SHFL: variants seen among roughly 807,000 people sequenced by gnomAD.
SHFL encodes shiftless antiviral inhibitor of ribosomal frameshifting protein.
A neutral mutation model predicts 34.7 loss-of-function variants in SHFL; 12 were observed. The observed-to-expected ratio is 0.35, with a 90% CI of 0.22 to 0.56. SHFL has a LOEUF of 0.56. SHFL is among the 20% of genes least tolerant of loss of function. SHFL has a pLI of 0.88. For synonymous variants in SHFL, 148 were observed against 156.0 expected (o/e 0.95, Z 0.38); for missense variants, 278 against 411.1 (o/e 0.68, Z 2.80).
At position 10,091,613 on chromosome 19, in the gene SHFL, A is replaced by G; in HGVS notation, c.626A>G (p.Asp209Gly). ...STHTHSCSAADCYNRREPHVP... is the reference protein window; with the variant it reads ...STHTHSCSAAGCYNRREPHVP... ...CACACTCACTCCTGCTCAGCTGCCG[A>G]CTGCTACAACCGGCGAGGTGAGGCT... The change falls in exon 7 of 8, where the codon GAC (aspartate) becomes GGC (glycine). Residue 209 changes from aspartate (D) to glycine (G), a missense_variant. Physicochemically the swap from Asp to Gly is moderately conservative, Grantham distance 94. Coordinates refer to ENST00000253110, the MANE Select transcript of SHFL (RefSeq NM_018381.4). The surrounding 1 kb of genome is among the most constrained non-coding windows in gnomAD (Gnocchi z 8.2). The G allele has an allele frequency of 6.4e-7, 1 of 1,551,626 alleles. No individual in the cohort carries two copies. The highest frequency in any genetic ancestry group is 8.7e-7 in the Non-Finnish European group (1 of 1,147,112).
At position 10,089,964 on chromosome 19, in the gene SHFL, G is replaced by A. The variant is rs956670027; in HGVS notation, c.301G>A (p.Asp101Asn). The A allele has an allele frequency of 1.5e-5, 24 of 1,611,322 alleles. No homozygotes were observed. Among genetic ancestry groups the A allele is most frequent in the African/African-American group, 6.7e-5 (5 of 74,834 alleles). Reference sequence around the variant, plus strand: ...ACGCATGTTTCAACGTGCCCAGGACGACCTTATCCCTGCTGTGGACCGGCA... The same window carrying A: ...ACGCATGTTTCAACGTGCCCAGGACAACCTTATCCCTGCTGTGGACCGGCA... Reference protein sequence around the residue: ...NLRMFQRAQDDLIPAVDRQFA... With the variant: ...NLRMFQRAQDNLIPAVDRQFA... Residue 101 changes from aspartate (D) to asparagine (N), a missense_variant, in exon 5 of 8, where the codon GAC (aspartate) becomes AAC (asparagine). Coordinates refer to ENST00000253110, the MANE Select transcript of SHFL (RefSeq NM_018381.4).
rs200493899 is a variant in SHFL at position 10,087,094 on chromosome 19, G to C, written c.145+42G>C. 702 of 1,598,664 alleles carry C rather than the reference G, an allele frequency of 4.4e-4. 5 individuals are homozygous for C. In the African/African-American group the frequency reaches 8.7e-3, roughly 20 times the overall value. ...CCCGGGCCTGGTGCGGGGACCGCGC[G>C]TGGGAGCGCCGAGGGGGCGTGGTCT... On this transcript the variant is annotated intron_variant, in intron 2 of 7. Transcript: ENST00000253110.
chr19:10,089,580 G>T (rs1005134009), intron 3 of SHFL, 77 bp from the exon 4 acceptor site: 17 of 1,535,558 alleles, frequency 1.1e-5, no homozygotes, highest in Non-Finnish European at 1.5e-5. Flanking sequence ...CATTGCGGCC[G>T]GGGGCCTCCC....
intron 3 of SHFL, 97 bp downstream of exon 3, chr19:10,087,397 C>G: frequency 2.4e-6 from 3 of 1,246,218 alleles, no homozygotes; most frequent in Non-Finnish European, 3.5e-6. Flanking sequence ...CCCTCTGAAA[C>G]AGGAGGGACC....
At chr19:10,088,360 C>G (rs1235916054) in intron 3 of SHFL, 1 of 149,950 alleles carries the variant, frequency 6.7e-6, no homozygotes, top group Non-Finnish European at 1.5e-5. Flanking sequence ...GTCAGGAGAT[C>G]GAGACCATCC....
intron 3 of SHFL, chr19:10,089,433 G>A (rs2088344022): frequency 1.3e-6 from 2 of 1,582,576 alleles, no homozygotes; most frequent in Non-Finnish European, 1.7e-6. Context: ...CTAAGCCTCA[G>A]TTTCCCCATC....
chr19:10,089,323 C>T (rs1362910671), intron 3 of SHFL: 2 of 1,598,408 alleles, frequency 1.3e-6, no homozygotes, highest in African/African-American at 2.7e-5. Context: ...ACAACGTGGC[C>T]TCAAAGGGGC....
Position 10,092,537 on chromosome 19 carries a change from G to A in SHFL, c.*235G>A. ...AAGAAGGTGTGGCCAGAACAACTTG[G>A]GCTCCTGCTGACCAATGTCCTCTAG... On this transcript the variant is annotated 3_prime_UTR_variant, in exon 8 of 8. Transcript: ENST00000253110. 3.9e-6 allele frequency: 6 copies of A among 1,550,398 alleles called. No individual in the cohort carries two copies. Among genetic ancestry groups the A allele is most frequent in the Non-Finnish European group, 5.2e-6 (6 of 1,144,666 alleles).
At position 10,091,287 on chromosome 19, in the gene SHFL, C is replaced by T; in HGVS notation, c.422C>T (p.Pro141Leu). 1 of 1,613,944 alleles carries T rather than the reference C, an allele frequency of 6.2e-7. No individual in the cohort carries two copies. Among genetic ancestry groups the T allele is most frequent in the Non-Finnish European group, 8.5e-7 (1 of 1,179,852 alleles). Residue 141 changes from proline (P) to leucine (L), a missense_variant, in exon 6 of 8, where the codon CCA becomes CTA. Coordinates refer to ENST00000253110, the MANE Select transcript of SHFL (RefSeq NM_018381.4). The surrounding 1 kb of genome is among the most constrained non-coding windows in gnomAD (Gnocchi z 8.2). ...RCRKCRKRYE[P>L]VPADKMWGLA... Reference sequence around the variant, plus strand: ...CGGAAATGCCGGAAGCGCTACGAGCCAGTGCCAGCTGACAAGATGTGGGGC... The same window carrying T: ...CGGAAATGCCGGAAGCGCTACGAGCTAGTGCCAGCTGACAAGATGTGGGGC...
Position 10,089,701 on chromosome 19 carries a change from T to C in SHFL, c.234+6T>C. 6.3e-7 allele frequency: 1 copy of C among 1,597,186 alleles called. No individual in the cohort carries two copies. The highest frequency in any genetic ancestry group is 8.5e-7 in the Non-Finnish European group (1 of 1,171,526). ...AGCAGGACCGGGACATTCAGGTGAG[T>C]TGGTGGCTAGGGCTTGGGATGGGGG... On this transcript the variant is annotated splice_donor_region_variant and intron_variant, in intron 4 of 7. Coordinates refer to ENST00000253110, the MANE Select transcript of SHFL (RefSeq NM_018381.4).
chr19:10,088,546 G>A (rs948012007), intron 3 of SHFL, among the ~76,000 whole-genome samples: 2 of 152,170 alleles, frequency 1.3e-5, no homozygotes, highest in Non-Finnish European at 2.9e-5. Flanking sequence ...TCCAGCCTGG[G>A]CAACAGAGCG....
intron 4 of SHFL, 48 bp downstream of exon 4, chr19:10,089,743 T>C: frequency 6.3e-7 from 1 of 1,575,084 alleles, no homozygotes; most frequent in Non-Finnish European, 8.6e-7. Context: ...GAGGGGGACA[T>C]CTGCAGGCAC....
chr19:10,089,776 G>A, intron 4 of SHFL, 81 bp downstream of exon 4: 7 of 1,557,382 alleles, frequency 4.5e-6, no homozygotes, highest in South Asian at 1.2e-5. Context: ...ATTAGGGCAG[G>A]AGGGGAGATA....
At chr19:10,090,554 C>A (rs996518249) in intron 5 of SHFL, among the ~76,000 whole-genome samples, 2 of 151,536 alleles carry the variant, frequency 1.3e-5, no homozygotes, top group Admixed American at 1.3e-4. Flanking sequence ...CCCACCTCAA[C>A]CTCCCAAGCA....
intron 3 of SHFL, chr19:10,087,638 T>G (rs1277254378): frequency 6.6e-5 from 14 of 213,414 alleles, no homozygotes; most frequent in East Asian, 1.2e-4. Flanking sequence ...TCTTAAAGGA[T>G]GGGGAGGAGT....
At chr19:10,090,373 G>C (rs2088358940) in intron 5 of SHFL, 1 of 272,258 alleles carries the variant, frequency 3.7e-6, no homozygotes, top group South Asian at 5.9e-5. Flanking sequence ...TAAGTAGGGA[G>C]GATCGCTTGA....
chr19:10,089,343 C>T (rs766436111), intron 3 of SHFL: 2 of 1,598,414 alleles, frequency 1.3e-6, no homozygotes, highest in East Asian at 2.2e-5. Flanking sequence ...CGATATGTCA[C>T]AACATCAACA....
rs1017329391 is a variant in SHFL at position 10,087,176 on chromosome 19, G to C, written c.146-75G>C. 11 of 1,604,038 alleles carry C rather than the reference G, an allele frequency of 6.9e-6. No homozygotes were observed. The African/African-American group carries it at 1.3e-4, about 20-fold the overall frequency. On this transcript the variant is annotated intron_variant, in intron 2 of 7. Coordinates refer to ENST00000253110, the MANE Select transcript of SHFL (RefSeq NM_018381.4). The stretch of plus-strand genomic sequence containing the variant: ...GGTCCCAGCCTTGGGGAGGCTCTGC[G>C]TCGCGGCTCTGGGTGGCCTGGAACT...
At chr19:10,089,302 C>T in intron 3 of SHFL, 8 of 1,598,254 alleles carry the variant, frequency 5.0e-6, no homozygotes, top group Non-Finnish European at 6.8e-6. Context: ...CTCTCTCCCA[C>T]TTAGCCGAGC....
Sources: gnomAD v4.1 joint callset for allele counts (sites outside exome capture counted in the v4.1 genomes callset) on GRCh38, gnomAD v4.1.1 for gene constraint, Gnocchi (gnomAD v3.1) non-coding constraint, MANE v1.5 for transcripts, NCBI Gene and HGNC (gene_info 2026-07-23, HGNC 2026-07-21) for gene names.